The following CENPI variants were observed in gnomAD, a reference collection of about 807,000 sequenced individuals.
CENPI encodes centromere protein I.
Under a neutral mutation model 60.4 loss-of-function variants are expected in CENPI, and 4 were observed. The ratio of observed to expected loss-of-function variants is 0.07; its 90% CI spans 0.03 to 0.15. The LOEUF is 0.15. Ranked by LOEUF, CENPI falls within the 10% of genes least tolerant of loss-of-function variation. The pLI, the probability that CENPI is intolerant of heterozygous loss-of-function variation, is 1.00. For synonymous variants in CENPI, 157 were observed against 189.4 expected, an observed-to-expected ratio of 0.83 and a Z score of 1.40; for missense variants, 444 against 534.5, an observed-to-expected ratio of 0.83 and a Z score of 1.67.
the CENPI span, among the ~76,000 whole-genome samples, chrX:101,177,841 G>C: frequency 8.9e-6 from 1 of 112,249 alleles, no homozygotes; most frequent in Non-Finnish European, 1.9e-5. Context: ...GATGGTGGCT[G>C]TGGGTGTGAA....
At chrX:101,176,910 G>A in the CENPI span, among the ~76,000 whole-genome samples, 3 of 112,527 alleles carry the variant, frequency 2.7e-5, no homozygotes, top group Admixed American at 9.4e-5. Flanking sequence ...ATATGGTGAT[G>A]TTTGTGATTT....
At chrX:101,108,221 T>C (rs2089507708) in intron 4 of CENPI, among the ~76,000 whole-genome samples, 1 of 111,410 alleles carries the variant, frequency 9.0e-6, no homozygotes, top group Non-Finnish European at 1.9e-5. Flanking sequence ...ACTATAGGCA[T>C]GTGCTACCAC....
rs181971348 is a variant in CENPI, at chrX:101,152,771, G to C, written c.2094+4610G>C. Among the ~76,000 whole-genome samples, 9 of 105,382 alleles carry C rather than the reference G, an allele frequency of 8.5e-5. No homozygotes were observed. In the East Asian group the frequency reaches 2.7e-3, roughly 32 times the overall value. The allele number at this position is 105,382 out of a possible 115,157, so 91.5% of individuals were successfully genotyped here. On this transcript the variant is annotated intron_variant, in intron 20 of 21. Coordinates refer to ENST00000682095, the MANE Select transcript of CENPI (RefSeq NM_001386188.2). The stretch of plus-strand genomic sequence containing the variant: ...TATGGCATGTATCAGTACTTTATTT[G>C]TTTTTACTGATAAATAATATTCCTA...
At chrX:101,156,599 C>T (rs1364691330) in intron 20 of CENPI, among the ~76,000 whole-genome samples, 1 of 110,329 alleles carries the variant, frequency 9.1e-6, no homozygotes, top group East Asian at 2.8e-4. Flanking sequence ...GTGCACCCAT[C>T]ACCCGAGCAG....
At chrX:101,156,603 C>T (rs1176569372) in intron 20 of CENPI, among the ~76,000 whole-genome samples, 6 of 110,187 alleles carry the variant, frequency 5.4e-5, no homozygotes, top group Admixed American at 2.9e-4. Flanking sequence ...ACCCATCACC[C>T]GAGCAGTATA....
chrX:101,102,196 T>C, intron 3 of CENPI, 78 bp from the exon 4 acceptor site: 1 of 797,376 alleles, frequency 1.3e-6, no homozygotes, highest in Non-Finnish European at 1.8e-6. Context: ...CTTTAAAGAG[T>C]TCCAAATTCT....
At chrX:101,144,386 A>ATTT (rs780043847) in intron 16 of CENPI, among the ~76,000 whole-genome samples, 1 of 89,865 alleles carries the variant, frequency 1.1e-5, no homozygotes. Flanking sequence ...CCTCGCCTGA[A>ATTT]TTTTTTTTTT....
chrX:101,177,889 C>T, the CENPI span, among the ~76,000 whole-genome samples: 1 of 112,143 alleles, frequency 8.9e-6, no homozygotes, highest in Non-Finnish European at 1.9e-5. Flanking sequence ...GATGCAGGGG[C>T]TATTGGGCCC....
chrX:101,173,011 ATTTTTTT>A, the CENPI span, among the ~76,000 whole-genome samples: 2 of 68,691 alleles, frequency 2.9e-5, no homozygotes, highest in African/African-American at 6.1e-5. Flanking sequence ...AGTTGTAGGA[ATTTTTTT>A]TTTTTTTTTT....
chrX:101,108,534 G>C (rs765387032), intron 4 of CENPI, among the ~76,000 whole-genome samples: 12 of 111,216 alleles, frequency 1.1e-4, no homozygotes, highest in Admixed American at 3.9e-4. Context: ...TCACAGAGTT[G>C]TGTAATCATC....
chrX:101,132,012 A>G (rs1459428194), intron 13 of CENPI, among the ~76,000 whole-genome samples, 178 bp from the exon 14 acceptor site: 1 of 111,850 alleles, frequency 8.9e-6, no homozygotes, highest in African/African-American at 3.2e-5. Flanking sequence ...GCAAATACTA[A>G]TCATCTCATC....
chrX:101,140,791 C>T (rs781267189), intron 16 of CENPI, 31 bp downstream of exon 16: 4 of 984,926 alleles, frequency 4.1e-6, no homozygotes, highest in Non-Finnish European at 5.8e-6. Flanking sequence ...CCACAAGAGA[C>T]GATCTGTATA....
chrX:101,115,780 A>G (rs929873072), intron 6 of CENPI, among the ~76,000 whole-genome samples: 1 of 111,577 alleles, frequency 9.0e-6, no homozygotes, highest in African/African-American at 3.3e-5. Context: ...CCTAAACTGA[A>G]ATTTTCTAAC....
At chrX:101,156,169 C>T (rs1454126988) in intron 20 of CENPI, among the ~76,000 whole-genome samples, 2 of 110,927 alleles carry the variant, frequency 1.8e-5, no homozygotes, top group Non-Finnish European at 3.8e-5. Flanking sequence ...CCCGCCACCA[C>T]ACCCAGCTAA....
chrX:101,102,569 C>G (rs2089432742), intron 4 of CENPI, among the ~76,000 whole-genome samples, 158 bp downstream of exon 4: 1 of 108,759 alleles, frequency 9.2e-6, no homozygotes, highest in Admixed American at 1.0e-4. Flanking sequence ...CTATATTGCC[C>G]AGGTTGGTCT....
chrX:101,147,469 G>A (rs2089972270), intron 18 of CENPI, among the ~76,000 whole-genome samples: 1 of 109,660 alleles, frequency 9.1e-6, no homozygotes, highest in Non-Finnish European at 1.9e-5. Flanking sequence ...CCATTTATGA[G>A]TGAGAACTCT....
chrX:101,139,921 T>G (rs1465483230), intron 15 of CENPI, among the ~76,000 whole-genome samples: 1 of 108,337 alleles, frequency 9.2e-6, no homozygotes, highest in Non-Finnish European at 1.9e-5. Flanking sequence ...TGCAAGCTCC[T>G]TCTCCTGGGT....
intron 20 of CENPI, among the ~76,000 whole-genome samples, chrX:101,159,582 C>T (rs2090087908): frequency 9.0e-6 from 1 of 110,947 alleles, no homozygotes; most frequent in African/African-American, 3.3e-5. Flanking sequence ...CCTCAGCCTC[C>T]CAAGTAGCTG....
At chrX:101,105,291 G>A (rs763678778) in intron 4 of CENPI, among the ~76,000 whole-genome samples, 3 of 111,621 alleles carry the variant, frequency 2.7e-5, no homozygotes, top group East Asian at 2.8e-4. Context: ...TTGGGAGGCC[G>A]AGGTGGGCGG....
Sources: gnomAD v4.1 joint callset for allele counts (sites outside exome capture counted in the v4.1 genomes callset) on GRCh38, gnomAD v4.1.1 for gene constraint, MANE v1.5 for transcripts, NCBI Gene and HGNC (gene_info 2026-07-23, HGNC 2026-07-21) for gene names.